GET1: variants seen among roughly 807,000 people sequenced by gnomAD.
GET1 encodes guided entry of tail-anchored proteins factor 1.
Under a neutral mutation model 22.6 loss-of-function variants are expected in GET1, and 20 were observed. The ratio of observed to expected loss-of-function variants is 0.89; its 90% CI spans 0.62 to 1.29. The LOEUF is 1.29. Among genes scored for constraint, GET1 ranks in the 50% most tolerant of loss-of-function variants. The probability of loss-of-function intolerance (pLI) is 0.00; values close to 1 mark genes in which losing one functional copy is unlikely to be tolerated. For synonymous variants in GET1, 92 were observed against 83.8 expected, an observed-to-expected ratio of 1.10 and a Z score of -0.53; for missense variants, 209 against 219.9, an observed-to-expected ratio of 0.95 and a Z score of 0.31.
chr21:39,412,858 TA>T (rs2040349717), intron 1 of GET1, among the ~76,000 whole-genome samples: 1 of 152,194 alleles, frequency 6.6e-6, no homozygotes, highest in South Asian at 2.1e-4. Context: ...TAGAAAGGGC[TA>T]AATACCCTCT....
At chr21:39,406,650 A>G, downstream of GET1, 1 of 1,465,400 alleles carries the variant, frequency 6.8e-7, no homozygotes, top group Non-Finnish European at 9.2e-7. Context: ...GCTGTTTAAA[A>G]TGAATGGATC....
intron 1 of GET1, among the ~76,000 whole-genome samples, chr21:39,419,350 C>A (rs1467424940): frequency 6.6e-6 from 1 of 151,862 alleles, no homozygotes; most frequent in African/African-American, 2.4e-5. Context: ...CACAGCGAGA[C>A]CCCGTCTCTA....
downstream of GET1, among the ~76,000 whole-genome samples, chr21:39,401,256 C>T (rs2038831939): frequency 6.6e-6 from 1 of 152,040 alleles, no homozygotes; most frequent in African/African-American, 2.4e-5. Context: ...GCTATGTTGC[C>T]CAGGCTGGTT....
At chr21:39,387,872 A>C in intron 1 of GET1, 29 of 830,014 alleles carry the variant, frequency 3.5e-5, no homozygotes, top group East Asian at 1.2e-4. Flanking sequence ...TGGAAGGGGG[A>C]GGGGGGGGGA....
downstream of GET1, among the ~76,000 whole-genome samples, chr21:39,402,651 C>T (rs570276235): frequency 2.0e-5 from 3 of 152,294 alleles, no homozygotes; most frequent in East Asian, 1.9e-4. Flanking sequence ...GATTTAGAAA[C>T]GTTTTCTATA....
chr21:39,428,507 A>G, exon 2 of GET1: 1 of 1,475,172 alleles, frequency 6.8e-7, no homozygotes, highest in Non-Finnish European at 9.0e-7. Context: ...AAACAACCTA[A>G]TAAAAGAAAA....
downstream of GET1, chr21:39,410,878 A>G (rs1317263573): frequency 2.1e-6 from 1 of 471,178 alleles, no homozygotes; most frequent in Non-Finnish European, 4.4e-6. Context: ...GCAGGCAAGG[A>G]AATTTGAGGT....
At chr21:39,411,769 A>G in intron 1 of GET1, 1 of 1,590,628 alleles carries the variant, frequency 6.3e-7, no homozygotes, top group East Asian at 2.2e-5. Context: ...CGATGACTAT[A>G]GATGTTTTTA....
downstream of GET1, among the ~76,000 whole-genome samples, chr21:39,407,511 T>A (rs76009128): frequency 2.7e-3 from 411 of 152,316 alleles, 5 homozygotes; most frequent in African/African-American, 9.4e-3. Context: ...ATGTTCACTG[T>A]GGCGTGGGTT....
At chr21:39,415,596 A>G (rs1368105799) in intron 1 of GET1, among the ~76,000 whole-genome samples, 1 of 152,144 alleles carries the variant, frequency 6.6e-6, no homozygotes, top group Non-Finnish European at 1.5e-5. Context: ...CACTTCCCCC[A>G]ATCAATAATT....
chr21:39,416,036 A>C (rs2147377442), intron 1 of GET1, among the ~76,000 whole-genome samples: 1 of 152,364 alleles, frequency 6.6e-6, no homozygotes, highest in Middle Eastern at 3.4e-3. Flanking sequence ...CCACTAATTC[A>C]TTAGGAGTTT....
intron 1 of GET1, among the ~76,000 whole-genome samples, chr21:39,418,237 GC>G (rs1232406558): frequency 1.3e-5 from 2 of 152,156 alleles, no homozygotes; most frequent in Non-Finnish European, 2.9e-5. Context: ...TGGGGACACA[GC>G]CAAACCATAT....
chr21:39,385,937 G>C (rs1338405574), intron 1 of GET1, among the ~76,000 whole-genome samples: 1 of 152,316 alleles, frequency 6.6e-6, no homozygotes, highest in East Asian at 1.9e-4. Flanking sequence ...ACTGGCGCTG[G>C]CTCAGGGTCC....
At chr21:39,387,943 C>T in intron 1 of GET1, 1 of 794,958 alleles carries the variant, frequency 1.3e-6, no homozygotes. Context: ...CTTTATTAAT[C>T]TATTTTTAAA....
At chr21:39,385,806 G>A (rs1307474226) in intron 1 of GET1, among the ~76,000 whole-genome samples, 1 of 152,178 alleles carries the variant, frequency 6.6e-6, no homozygotes, top group Non-Finnish European at 1.5e-5. Flanking sequence ...GCACTGCACA[G>A]GTGCCCCAGG....
rs893185281 is a variant in GET1 at position 39,423,579 on chromosome 21, A to G, written c.*24-4653A>G. The G allele has an allele frequency of 3.8e-5, 43 of 1,118,776 alleles. No homozygotes were observed. The South Asian group carries it at 7.0e-4, about 18-fold the overall frequency. 69.3% of individuals were successfully genotyped at this position (1,118,776 alleles called of 1,614,324 possible). A position where few individuals can be genotyped will look rare whatever the true frequency, so the allele number is the denominator to read the frequency against. ...TGCATAATCTCTCTCCCATGCCCCC[A>G]TGCACACACACCACACACATACACA... On this transcript the variant is annotated intron_variant, in intron 1 of 1. Transcript: ENST00000478273.
At chr21:39,393,683 C>T (rs149823273) in intron 4 of GET1, among the ~76,000 whole-genome samples, 25 of 152,160 alleles carry the variant, frequency 1.6e-4, no homozygotes, top group Non-Finnish European at 3.2e-4. Context: ...AGTCTCACTC[C>T]GTCACCCAGG....
In GET1 at chr21:39,418,362, T is replaced by G. The variant is rs147921214; in HGVS notation, c.*23+7425T>G. On this transcript the variant is annotated intron_variant, in intron 1 of 1. Coordinates refer to the GET1 transcript ENST00000478273. ...ATTGCTGTTTACAGATATATAGATA[T>G]CCATTGTGTGGAGGTACATTTAATT... Among the ~76,000 whole-genome samples, 630 of 152,328 alleles carry G rather than the reference T, an allele frequency of 4.1e-3. 6 individuals carry two copies. The highest frequency in any genetic ancestry group is 0.015 in the African/African-American group (612 of 41,572).
intron 1 of GET1, among the ~76,000 whole-genome samples, chr21:39,389,110 TC>T (rs2038127503): frequency 6.6e-6 from 1 of 151,942 alleles, no homozygotes; most frequent in African/African-American, 2.4e-5. Context: ...TTCCCTTCCT[TC>T]CTTCACCAGG....
Sources: gnomAD v4.1 joint callset for allele counts (sites outside exome capture counted in the v4.1 genomes callset) on GRCh38, gnomAD v4.1.1 for gene constraint, MANE v1.5 for transcripts, NCBI Gene and HGNC (gene_info 2026-07-23, HGNC 2026-07-21) for gene names.